The following MRC1 variants were observed in gnomAD, a reference collection of about 807,000 sequenced individuals.
MRC1 encodes the protein mannose receptor C-type 1.
A neutral mutation model predicts 102.9 loss-of-function variants in MRC1; 62 were observed. The observed-to-expected ratio is 0.60, with a 90% CI of 0.49 to 0.74. The LOEUF is 0.74. MRC1 is among the 30% of genes least tolerant of loss of function. The pLI is 0.00. For missense variants in MRC1, 1,237 were observed against 862.8 expected (o/e 1.43, Z -5.43); for synonymous variants, 457 against 298.4 (o/e 1.53, Z -5.48).
chr10:17,841,411 C>G (rs1838747260), intron 5 of MRC1, among the ~76,000 whole-genome samples: 1 of 152,142 alleles, frequency 6.6e-6, no homozygotes, highest in Admixed American at 6.5e-5. Context: ...TCAGTTACAG[C>G]TTATGATATT....
At chr10:17,820,056 G>A (rs939295742) in intron 1 of MRC1, among the ~76,000 whole-genome samples, 4 of 152,070 alleles carry the variant, frequency 2.6e-5, no homozygotes, top group Non-Finnish European at 4.4e-5. Flanking sequence ...TAAGATCTTC[G>A]CCTGACTGGA....
At position 17,901,977 on chromosome 10, in the gene MRC1, C is replaced by G. The variant is rs1233659853; in HGVS notation, c.3654C>G (p.Ile1218Met). The G allele has an allele frequency of 5.1e-6, 4 of 780,616 alleles. No individual in the cohort carries two copies. Among genetic ancestry groups the G allele is most frequent in the Non-Finnish European group, 9.6e-6 (4 of 417,948 alleles). 48.4% of individuals were successfully genotyped at this position (780,616 alleles called of 1,614,324 possible). ...FYFLCKRSDE[I>M]PATEPPQLPG... is the part of the protein sequence containing the mutation. ...AAAATGTGTTTTTATTAACAGAAATCCCTGCTACTGAACCCCCACAACTGC... is the reference window on the plus strand; with the variant it reads ...AAAATGTGTTTTTATTAACAGAAATGCCTGCTACTGAACCCCCACAACTGC... The change falls in exon 26 of 30, where the codon ATC (isoleucine) becomes ATG (methionine). Residue 1218 changes from isoleucine to methionine, a missense_variant. By Grantham distance (10) the Ile-to-Met change is conservative. Transcript: ENST00000569591.
At position 17,910,858 on chromosome 10, in the gene MRC1, C is replaced by T. The variant is rs992481441; in HGVS notation, c.*393C>T. 7.3e-5 allele frequency: 14 copies of T among 192,828 alleles called. No individual in the cohort carries two copies. The highest frequency in any genetic ancestry group is 4.3e-5 in the Non-Finnish European group (4 of 92,406). 11.9% of individuals were successfully genotyped at this position (192,828 alleles called of 1,614,324 possible). A position where few individuals can be genotyped will look rare whatever the true frequency, so the allele number is the denominator to read the frequency against. On this transcript the variant is annotated 3_prime_UTR_variant, in exon 30 of 30. Coordinates refer to ENST00000569591, the MANE Select transcript of MRC1 (RefSeq NM_002438.4). The stretch of plus-strand genomic sequence containing the variant: ...AATTGTAACTCAGCAAGTAGAAGAC[C>T]ATTTGAAAAGTCAGGTACAAATTTC...
intron 12 of MRC1, among the ~76,000 whole-genome samples, chr10:17,868,031 A>G (rs1833301644): frequency 6.6e-6 from 1 of 152,212 alleles, no homozygotes; most frequent in South Asian, 2.1e-4. Context: ...TCCTTATGCA[A>G]TCAAATTCAC....
rs1833915864 is a variant in MRC1, at chr10:17,907,806, C to A, written c.4078+108C>A. On this transcript the variant is annotated intron_variant, in intron 28 of 29. Transcript: ENST00000569591. ...TGTGATTACGAGGCCATTGGAAGCTCTGTCCTTTCATCCGTGAAAAATCCA... is the reference window on the plus strand; with the variant it reads ...TGTGATTACGAGGCCATTGGAAGCTATGTCCTTTCATCCGTGAAAAATCCA... 4 of 734,196 alleles carry A rather than the reference C, an allele frequency of 5.4e-6. No homozygotes were observed. In the Admixed American group the frequency reaches 7.4e-5, roughly 14 times the overall value. 45.5% of individuals were successfully genotyped at this position (734,196 alleles called of 1,614,324 possible). A position where few individuals can be genotyped will look rare whatever the true frequency, so the allele number is the denominator to read the frequency against.
chr10:17,841,398 A>T (rs889094660), intron 5 of MRC1, among the ~76,000 whole-genome samples: 7 of 152,160 alleles, frequency 4.6e-5, no homozygotes, highest in Non-Finnish European at 8.8e-5. Context: ...TAAAAATACT[A>T]TCTCAGTTAC....
rs915032556 is a variant in MRC1, at chr10:17,828,092, T to A, written c.637+377T>A. 4.6e-5 allele frequency among the ~76,000 whole-genome samples: 7 copies of A among 152,334 alleles called. 1 individual carries two copies. Among genetic ancestry groups the A allele is most frequent in the African/African-American group, 1.4e-4 (6 of 41,582 alleles). ...GACCTCTTTATTTATTTATTTATTT[T>A]TTGAGACGGAGTCTCGCTGTGTCTC... On this transcript the variant is annotated intron_variant, in intron 3 of 29. Coordinates refer to ENST00000569591, the MANE Select transcript of MRC1 (RefSeq NM_002438.4).
At chr10:17,852,339 A>G (rs1409365418) in intron 7 of MRC1, among the ~76,000 whole-genome samples, 3 of 152,318 alleles carry the variant, frequency 2.0e-5, no homozygotes, top group South Asian at 2.1e-4. Flanking sequence ...ATTCATTTGT[A>G]TATACAGCAT....
intron 2 of MRC1, among the ~76,000 whole-genome samples, chr10:17,825,344 A>T (rs1838457469): frequency 6.6e-6 from 1 of 152,150 alleles, no homozygotes; most frequent in African/African-American, 2.4e-5. Flanking sequence ...AGAAGAAGAC[A>T]AATTGACTGC....
chr10:17,814,929 G>A (rs1838287602), intron 1 of MRC1, among the ~76,000 whole-genome samples: 1 of 151,860 alleles, frequency 6.6e-6, no homozygotes, highest in Non-Finnish European at 1.5e-5. Context: ...CCCTCCCAAA[G>A]TGCCGGGATT....
At chr10:17,811,231 A>T (rs1413511738) in intron 1 of MRC1, among the ~76,000 whole-genome samples, 3 of 152,344 alleles carry the variant, frequency 2.0e-5, no homozygotes, top group Middle Eastern at 3.4e-3. Flanking sequence ...TACTTATAGC[A>T]TGTCTCAATT....
chr10:17,893,632 TAAAGG>T (rs1833712109), intron 22 of MRC1, among the ~76,000 whole-genome samples: 1 of 152,104 alleles, frequency 6.6e-6, no homozygotes, highest in Admixed American at 6.6e-5. Flanking sequence ...ATTTAGTACA[TAAAGG>T]AAAGAAGGAT....
At chr10:17,858,483 C>T (rs928313068) in intron 9 of MRC1, among the ~76,000 whole-genome samples, 1 of 151,910 alleles carries the variant, frequency 6.6e-6, no homozygotes, top group African/African-American at 2.4e-5. Flanking sequence ...TGACTTTGCT[C>T]CCTGGTGTGA....
chr10:17,887,805 T>C (rs1314982629), intron 22 of MRC1, among the ~76,000 whole-genome samples: 1 of 152,184 alleles, frequency 6.6e-6, no homozygotes, highest in African/African-American at 2.4e-5. Flanking sequence ...ATGCTTTTTA[T>C]TTTATTTTAT....
intron 5 of MRC1, among the ~76,000 whole-genome samples, chr10:17,842,348 C>T (rs1264120078): frequency 1.9e-4 from 29 of 152,240 alleles, no homozygotes; most frequent in Admixed American, 1.6e-3. Flanking sequence ...TGCTAAAACA[C>T]GAGAAAATTT....
At chr10:17,875,842 C>T (rs917050996) in intron 17 of MRC1, among the ~76,000 whole-genome samples, 2 of 152,214 alleles carry the variant, frequency 1.3e-5, no homozygotes, top group Non-Finnish European at 2.9e-5. Context: ...AATCTCCATA[C>T]TGTTTTGCAT....
intron 9 of MRC1, among the ~76,000 whole-genome samples, chr10:17,858,755 G>A (rs1469399212): frequency 2.0e-5 from 3 of 152,332 alleles, no homozygotes; most frequent in African/African-American, 7.2e-5. Flanking sequence ...CAAAGTGCTG[G>A]GATTACAGGC....
chr10:17,813,960 A>G (rs1282382437), intron 1 of MRC1, among the ~76,000 whole-genome samples: 4 of 151,918 alleles, frequency 2.6e-5, no homozygotes, highest in Non-Finnish European at 4.4e-5. Context: ...CGGCCTCCCA[A>G]AGTGCTGGGA....
rs879124114 is a variant in MRC1, at chr10:17,840,860, C to T, written c.916+54C>T. 3,347 of 780,532 alleles carry T rather than the reference C, an allele frequency of 4.3e-3. 85 individuals are homozygous for T. The African/African-American group carries it at 0.049, about 12-fold the overall frequency. The allele number at this position is 780,532 out of a possible 1,614,324, so 48.4% of individuals were successfully genotyped here. On this transcript the variant is annotated intron_variant, in intron 5 of 29. Coordinates refer to ENST00000569591, the MANE Select transcript of MRC1 (RefSeq NM_002438.4). ...AATCCAAATTTAAGTCATCTAGACG[C>T]CCCGAAGACGTTTATTATCTCACCT...
Sources: gnomAD v4.1 joint callset for allele counts (sites outside exome capture counted in the v4.1 genomes callset) on GRCh38, gnomAD v4.1.1 for gene constraint, MANE v1.5 for transcripts, NCBI Gene and HGNC (gene_info 2026-07-23, HGNC 2026-07-21) for gene names.